CRADD: variants seen among roughly 807,000 people sequenced by gnomAD.
The protein encoded by CRADD is CARD and death domain containing adaptor protein, also known as death domain-containing protein CRADD.
Under a neutral mutation model 15.5 loss-of-function variants are expected in CRADD, and 9 were observed. The observed-to-expected ratio is 0.58, with a 90% CI of 0.35 to 1.01. CRADD has a LOEUF of 1.01. Among genes scored for constraint, CRADD ranks in the 50% least tolerant of loss-of-function variants. CRADD has a pLI of 0.02. For missense variants in CRADD, 227 were observed against 250.3 expected, an observed-to-expected ratio of 0.91 and a Z score of 0.63; for synonymous variants, 118 against 107.6, an observed-to-expected ratio of 1.10 and a Z score of -0.60.
chr12:93,845,813 G>T (rs1958107953), intron 2 of CRADD, among the ~76,000 whole-genome samples: 1 of 151,986 alleles, frequency 6.6e-6, no homozygotes, highest in African/African-American at 2.4e-5. Flanking sequence ...CATAGAATTT[G>T]CCATTGTAAC....
chr12:93,827,116 T>C (rs1300885389), intron 2 of CRADD, among the ~76,000 whole-genome samples: 3 of 152,168 alleles, frequency 2.0e-5, no homozygotes, highest in Non-Finnish European at 4.4e-5. Flanking sequence ...AGTATGTAAT[T>C]TGATGTTTCC....
chr12:93,792,026 T>A (rs1371167746), intron 2 of CRADD, among the ~76,000 whole-genome samples: 2 of 152,022 alleles, frequency 1.3e-5, no homozygotes, highest in East Asian at 3.8e-4. Context: ...GAGATTCTGA[T>A]AAGAACTTTA....
intron 2 of CRADD, among the ~76,000 whole-genome samples, chr12:93,794,501 A>G (rs1592996258): frequency 6.6e-6 from 1 of 151,950 alleles, no homozygotes; most frequent in East Asian, 1.9e-4. Flanking sequence ...CTCATATCCC[A>G]CATCCAGCCT....
At chr12:93,706,759 C>T (rs912078175) in intron 2 of CRADD, among the ~76,000 whole-genome samples, 7 of 152,216 alleles carry the variant, frequency 4.6e-5, no homozygotes, top group Admixed American at 2.6e-4. Flanking sequence ...ATTCTGGCAG[C>T]ATCCGATTGA....
chr12:93,838,855 C>T lies in CRADD; in HGVS notation c.299-11115C>T, dbSNP rs139008075. ...TTCACTGCAGCCTTGACCTCCCTGGCTCAGGTGATCTTCCCACCTCAGCCT... is the reference window on the plus strand; with the variant it reads ...TTCACTGCAGCCTTGACCTCCCTGGTTCAGGTGATCTTCCCACCTCAGCCT... On this transcript the variant is annotated intron_variant, in intron 2 of 2. Coordinates refer to ENST00000332896, the MANE Select transcript of CRADD (RefSeq NM_003805.5). Among the ~76,000 whole-genome samples the T allele has an allele frequency of 2.2e-3, 330 of 152,126 alleles. 2 individuals are homozygous for T. The highest frequency in any genetic ancestry group is 7.8e-3 in the African/African-American group (322 of 41,504).
intron 2 of CRADD, among the ~76,000 whole-genome samples, chr12:93,827,911 T>C (rs1957842750): frequency 6.6e-6 from 1 of 152,208 alleles, no homozygotes; most frequent in Non-Finnish European, 1.5e-5. Flanking sequence ...GGTTCCCTCC[T>C]GGCAACCACT....
At chr12:93,688,143 G>C (rs1955481498) in intron 2 of CRADD, among the ~76,000 whole-genome samples, 1 of 152,182 alleles carries the variant, frequency 6.6e-6, no homozygotes, top group South Asian at 2.1e-4. Context: ...TAGTTGGGAA[G>C]AGTGGGACTG....
chr12:93,802,506 C>A (rs1340857732), intron 2 of CRADD, among the ~76,000 whole-genome samples: 1 of 133,280 alleles, frequency 7.5e-6, no homozygotes, highest in Non-Finnish European at 1.6e-5. Flanking sequence ...GGGCCAGGGG[C>A]CAGGCCACAA....
chr12:93,795,258 C>T (rs1335804024), intron 2 of CRADD, among the ~76,000 whole-genome samples: 1 of 152,150 alleles, frequency 6.6e-6, no homozygotes, highest in African/African-American at 2.4e-5. Flanking sequence ...GATCAAGGAA[C>T]TTTTCCCCAA....
intron 2 of CRADD, among the ~76,000 whole-genome samples, chr12:93,801,855 C>T (rs557607134): frequency 3.2e-4 from 48 of 152,274 alleles, no homozygotes; most frequent in Admixed American, 7.2e-4. Flanking sequence ...CACCCCCTCC[C>T]ATCCGGCCAC....
chr12:93,842,689 T>C (rs1428669041), intron 2 of CRADD, among the ~76,000 whole-genome samples: 2 of 151,928 alleles, frequency 1.3e-5, no homozygotes, highest in Non-Finnish European at 2.9e-5. Context: ...AAACAGTGAT[T>C]GATAGGCATG....
intron 2 of CRADD, among the ~76,000 whole-genome samples, chr12:93,694,780 A>G (rs1264326184): frequency 6.6e-6 from 1 of 152,180 alleles, no homozygotes; most frequent in Non-Finnish European, 1.5e-5. Context: ...GTATAATGAA[A>G]ACTGTTAAAA....
At chr12:93,784,471 C>G (rs1957252152) in intron 2 of CRADD, among the ~76,000 whole-genome samples, 1 of 152,020 alleles carries the variant, frequency 6.6e-6, no homozygotes, top group South Asian at 2.1e-4. Flanking sequence ...CCGTCTGACC[C>G]CTGAGCCTTT....
chr12:93,767,961 C>A (rs1391810495), intron 2 of CRADD, among the ~76,000 whole-genome samples: 1 of 152,190 alleles, frequency 6.6e-6, no homozygotes, highest in African/African-American at 2.4e-5. Context: ...GTTTCTTTTG[C>A]AAAGAATTAA....
chr12:93,713,450 A>G (rs1157194392), intron 2 of CRADD, among the ~76,000 whole-genome samples: 1 of 152,128 alleles, frequency 6.6e-6, no homozygotes, highest in Non-Finnish European at 1.5e-5. Context: ...CCCCCTGCAC[A>G]TACCAAAATC....
chr12:93,797,353 G>A (rs1357186842), intron 2 of CRADD, among the ~76,000 whole-genome samples: 1 of 152,166 alleles, frequency 6.6e-6, no homozygotes, highest in Non-Finnish European at 1.5e-5. Context: ...AGTACAGCAT[G>A]TAGTGTGGAG....
At chr12:93,735,077 T>C (rs76247546) in intron 2 of CRADD, among the ~76,000 whole-genome samples, 75 of 152,334 alleles carry the variant, frequency 4.9e-4, no homozygotes, top group African/African-American at 1.7e-3. Flanking sequence ...ACACTAGTTA[T>C]GTCATTTTCA....
At chr12:93,788,992 G>C (rs1012801927) in intron 2 of CRADD, among the ~76,000 whole-genome samples, 3 of 152,066 alleles carry the variant, frequency 2.0e-5, no homozygotes. Context: ...ACAGTTCTTA[G>C]CTCTTTTTCT....
chr12:93,877,372 C>G (rs930833119), intron 2 of CRADD, among the ~76,000 whole-genome samples: 1 of 152,206 alleles, frequency 6.6e-6, no homozygotes, highest in Non-Finnish European at 1.5e-5. Context: ...GCTCTTCGAT[C>G]ACTTGATGCC....
Sources: allele counts gnomAD v4.1 joint callset (sites outside exome capture counted in the v4.1 genomes callset), GRCh38; gene constraint gnomAD v4.1.1; transcripts MANE v1.5; gene names NCBI Gene and HGNC (gene_info 2026-07-23, HGNC 2026-07-21).